The following ANKZF1 variants were observed in gnomAD, a reference collection of about 807,000 sequenced individuals.
ANKZF1 encodes the protein ankyrin repeat and zinc finger peptidyl tRNA hydrolase 1.
Under a neutral mutation model 86.0 loss-of-function variants are expected in ANKZF1, and 84 were observed. That is an observed-to-expected ratio of 0.98 (90% confidence interval 0.82 to 1.17). ANKZF1 has a LOEUF of 1.17. Among genes scored for constraint, ANKZF1 ranks in the 50% most tolerant of loss-of-function variants. The pLI, the probability that ANKZF1 is intolerant of heterozygous loss-of-function variation, is 0.00. For missense variants in ANKZF1, 893 were observed against 918.4 expected (o/e 0.97, Z 0.36); for synonymous variants, 331 against 354.2 (o/e 0.93, Z 0.74).
At chr2:219,234,492 T>C (rs926125813) in intron 9 of ANKZF1, 1 of 728,380 alleles carries the variant, frequency 1.4e-6, no homozygotes, top group African/African-American at 1.8e-5. Flanking sequence ...GCTAAGAAAA[T>C]CTTTGTGTGG....
intron 8 of ANKZF1, 76 bp from the exon 9 acceptor site, chr2:219,234,057 C>G (rs1457531635): frequency 1.3e-6 from 2 of 1,557,532 alleles, no homozygotes. Context: ...TGCAGCCCAG[C>G]TACATCTGCA....
In ANKZF1 at chr2:219,233,271, CTG is replaced by C. The variant is rs747408531; in HGVS notation, c.672-12_672-11del. The C allele has an allele frequency of 4.3e-6, 7 of 1,614,226 alleles. No individual in the cohort carries two copies. The highest frequency in any genetic ancestry group is 1.1e-5 in the South Asian group (1 of 91,084). On this transcript the variant is annotated splice_polypyrimidine_tract_variant and intron_variant, in intron 6 of 13. Coordinates refer to ENST00000323348, the MANE Select transcript of ANKZF1 (RefSeq NM_018089.3). ...CACCAGCTGGTCTCCAGTACTGAGT[CTG>C]TGCTGTCTACAGAAGAGAAGTGGTG... is the stretch of plus-strand genomic sequence containing the variant.
chr2:219,235,583 C>T lies in ANKZF1; in HGVS notation c.1801C>T (p.Gln601Ter), dbSNP rs746856166. 19 of 1,613,794 alleles carry T rather than the reference C, an allele frequency of 1.2e-5. No homozygotes were observed. The highest frequency in any genetic ancestry group is 8.9e-5 in the East Asian group (4 of 44,854). Residue 601 changes from glutamine (Q) to a stop codon, truncating the protein, a stop_gained and splice_region_variant, in exon 11 of 14, where the codon CAG becomes TAG. Transcript: ENST00000323348. LOFTEE classifies it high-confidence loss of function. Reference protein sequence around the residue: ...NPDAYDYNKAQVPGPLTPEME... With the variant: ...NPDAYDYNKA Reference sequence around the variant, plus strand: ...AGATGCCTACGATTACAACAAGGCTCAGGTCATCTGGAATAGGAAGGACAA... The same window carrying T: ...AGATGCCTACGATTACAACAAGGCTTAGGTCATCTGGAATAGGAAGGACAA...
Position 219,233,283 on chromosome 2 carries a change from C to T in ANKZF1, c.672-3C>T, listed in dbSNP as rs1559254530. On this transcript the variant is annotated splice_polypyrimidine_tract_variant and splice_region_variant and intron_variant, in intron 6 of 13. Transcript: ENST00000323348. The stretch of plus-strand genomic sequence containing the variant: ...TCCAGTACTGAGTCTGTGCTGTCTA[C>T]AGAAGAGAAGTGGTGACACACAAAA... 5 of 1,614,114 alleles carry T rather than the reference C, an allele frequency of 3.1e-6. No homozygotes were observed. In the African/African-American group the frequency reaches 4.0e-5, roughly 13 times the overall value.
chr2:219,233,613 C>T (rs1951111859), intron 7 of ANKZF1, 102 bp from the exon 8 acceptor site: 3 of 1,423,234 alleles, frequency 2.1e-6, no homozygotes, highest in Admixed American at 4.4e-5. Context: ...CCGTGTTATC[C>T]TCTACTTTCC....
rs747740100 is a variant in ANKZF1 at position 219,234,829 on chromosome 2, C to G, written c.1208C>G (p.Ser403Ter). 3 of 1,607,382 alleles carry G rather than the reference C, an allele frequency of 1.9e-6. No individual in the cohort carries two copies. Among genetic ancestry groups the G allele is most frequent in the Non-Finnish European group, 2.6e-6 (3 of 1,175,930 alleles). The change falls in exon 10 of 14, where the codon TCA (serine) becomes TGA (stop). Residue 403 changes from serine (S) to a stop codon, truncating the protein, a stop_gained. Transcript: ENST00000323348. LOFTEE classifies it high-confidence loss of function. ...GQNEESPKQGSGSEGEDGFQV... is the reference protein window; with the variant it reads ...GQNEESPKQG ...CACATGTCAGGTTTTTCCCTAGGTT[C>G]AGGGTCGGAGGGAGAAGATGGCTTT...
intron 4 of ANKZF1, 57 bp from the exon 5 acceptor site, chr2:219,232,433 G>C: frequency 6.2e-7 from 1 of 1,611,088 alleles, no homozygotes; most frequent in Non-Finnish European, 8.5e-7. Context: ...TTTAGAGTTT[G>C]AGGAAAGAAC....
Position 219,236,656 on chromosome 2 carries a change from T to G in ANKZF1, c.*211T>G. ...ACAATAAAGTTTGGCAAGGAATGTGTACTTGTACTTACATTCAGAGGCACT... is the reference window on the plus strand; with the variant it reads ...ACAATAAAGTTTGGCAAGGAATGTGGACTTGTACTTACATTCAGAGGCACT... On this transcript the variant is annotated 3_prime_UTR_variant, in exon 14 of 14. Coordinates refer to ENST00000323348, the MANE Select transcript of ANKZF1 (RefSeq NM_018089.3). 1.6e-6 allele frequency: 1 copy of G among 636,806 alleles called. No individual in the cohort carries two copies. The highest frequency in any genetic ancestry group is 2.5e-5 in the South Asian group (1 of 39,744). 39.4% of individuals were successfully genotyped at this position (636,806 alleles called of 1,614,324 possible).
At chr2:219,235,345 GGT>G in intron 10 of ANKZF1, 33 bp downstream of exon 10, 1 of 1,598,266 alleles carries the variant, frequency 6.3e-7, no homozygotes, top group Non-Finnish European at 8.5e-7. Flanking sequence ...AGTCATTTTG[GGT>G]ATAGAGAGGA....
chr2:219,235,358 T>A, intron 10 of ANKZF1, 46 bp downstream of exon 10: 1 of 1,596,364 alleles, frequency 6.3e-7, no homozygotes, highest in East Asian at 2.2e-5. Flanking sequence ...ATAGAGAGGA[T>A]AATTTGGAGG....
At position 219,236,414 on chromosome 2, in the gene ANKZF1, A is replaced by G. The variant is rs566525961; in HGVS notation, c.2150A>G (p.His717Arg). The part of the protein sequence containing the change: ...SFCSTRCLQD[H>R]RRQAGRPSS The stretch of plus-strand genomic sequence containing the variant: ...TGCTCCACACGTTGCCTCCAGGATC[A>G]TCGCCGTCAGGCAGGGAGGCCCTCT... The change falls in exon 14 of 14, where the codon CAT (histidine) becomes CGT (arginine). Residue 717 changes from histidine (H) to arginine (R), a missense_variant. By Grantham distance (29) the His-to-Arg change is conservative. Coordinates refer to ENST00000323348, the MANE Select transcript of ANKZF1 (RefSeq NM_018089.3). 2.5e-6 allele frequency: 4 copies of G among 1,611,708 alleles called. No individual in the cohort carries two copies. The African/African-American group carries it at 4.0e-5, about 16-fold the overall frequency.
rs368406046 is a variant in ANKZF1 at position 219,232,500 on chromosome 2, C to T, written c.375C>T (p.Ser125=). 5.8e-5 allele frequency: 94 copies of T among 1,614,072 alleles called. No homozygotes were observed. The African/African-American group carries it at 1.1e-3, about 19-fold the overall frequency. ...ATTGTCTGTCTTCAGGAGATCTTTC[C>T]AGCATCTCGGGATCAGAAGACTCAG... The part of the protein sequence containing the change: ...FEKQSSTGDL[S]SISGSEDSDS... The change falls in exon 5 of 14, where the codon TCC becomes TCT. Residue 125 remains serine, a synonymous_variant. Transcript: ENST00000323348.
chr2:219,235,855 GC>G lies in ANKZF1; in HGVS notation c.1954del (p.Leu652SerfsTer47). 1 of 1,614,158 alleles carries G rather than the reference GC, an allele frequency of 6.2e-7. No individual in the cohort carries two copies. Among genetic ancestry groups the G allele is most frequent in the East Asian group, 2.2e-5 (1 of 44,886 alleles). ...ACGAGAAGAGCAGCGGCGATTTGCCGCCCTCAGTGACCGAGAGAAGGTGAGG... is the reference window on the plus strand; with the variant it reads ...ACGAGAAGAGCAGCGGCGATTTGCCGCCTCAGTGACCGAGAGAAGGTGAGG... ...REREEQRRFA[A>X]LSDREKRALA... is the part of the protein sequence containing the mutation. On this transcript the variant is annotated frameshift_variant, in exon 12 of 14. Coordinates refer to ENST00000323348, the MANE Select transcript of ANKZF1 (RefSeq NM_018089.3). LOFTEE classifies it high-confidence loss of function.
At position 219,231,997 on chromosome 2, in the gene ANKZF1, TTTG is replaced by T. The variant is rs1559252653; in HGVS notation, c.221_223del (p.Cys74del). 6.2e-7 allele frequency: 1 copy of T among 1,613,284 alleles called. No individual in the cohort carries two copies. The highest frequency in any genetic ancestry group is 8.5e-7 in the Non-Finnish European group (1 of 1,179,794). ...CCTATGGATATTTCAGAGAAGTTAT[TTTG>T]TTCAACTTGTGACCAGACCTTCCAG... On this transcript the variant is annotated inframe_deletion, in exon 3 of 14. Coordinates refer to ENST00000323348, the MANE Select transcript of ANKZF1 (RefSeq NM_018089.3).
rs1355391421 is a variant in ANKZF1, at chr2:219,230,571, G to C, written c.148+166G>C. The C allele has an allele frequency of 4.4e-6, 4 of 905,722 alleles. No homozygotes were observed. The African/African-American group carries it at 5.2e-5, about 12-fold the overall frequency. 56.1% of individuals were successfully genotyped at this position (905,722 alleles called of 1,614,324 possible). On this transcript the variant is annotated intron_variant, in intron 2 of 13. Coordinates refer to ENST00000323348, the MANE Select transcript of ANKZF1 (RefSeq NM_018089.3). ...CTGGGTAATGTCCAGCACAGCCCTT[G>C]TTTTCAAACAAGTCTTTTTGCCATT...
intron 5 of ANKZF1, 103 bp from the exon 6 acceptor site, chr2:219,232,976 G>A (rs577866107): frequency 8.8e-7 from 1 of 1,130,706 alleles, no homozygotes. Flanking sequence ...ACAAGCCTCA[G>A]GGTGGTAATA....
At chr2:219,231,677 A>G (rs1162642204) in intron 2 of ANKZF1, 3 of 389,846 alleles carry the variant, frequency 7.7e-6, no homozygotes, top group Non-Finnish European at 1.4e-5. Flanking sequence ...TACAAGCGTG[A>G]GCCGCTGCAC....
Position 219,232,240 on chromosome 2 carries a change from A to C in ANKZF1, c.262-20A>C, listed in dbSNP as rs779557773. On this transcript the variant is annotated intron_variant, in intron 3 of 13. Transcript: ENST00000323348. ...TGGGGCATATTTCCACCTTTATCTC[A>C]CTCTTTGTCTTTGTACTAGAGGGAA... 6.2e-7 allele frequency: 1 copy of C among 1,609,388 alleles called. No homozygotes were observed. Among genetic ancestry groups the C allele is most frequent in the South Asian group, 1.1e-5 (1 of 90,984 alleles).
rs762023095 is a variant in ANKZF1, at chr2:219,233,408, G to A, written c.794G>A (p.Arg265His). The change falls in exon 7 of 14, where the codon CGC (arginine) becomes CAC (histidine). Residue 265 changes from arginine to histidine, a missense_variant. Arg to His is a conservative substitution (Grantham distance 29). Coordinates refer to ENST00000323348, the MANE Select transcript of ANKZF1 (RefSeq NM_018089.3). ...PSHSAGANLR[R>H]YNEATLYKDV... Reference sequence around the variant, plus strand: ...CACTCTGCTGGAGCCAACCTGAGGCGCTACAATGAAGCCACACTATATAAG... The same window carrying A: ...CACTCTGCTGGAGCCAACCTGAGGCACTACAATGAAGCCACACTATATAAG... The A allele has an allele frequency of 2.2e-5, 35 of 1,613,546 alleles. 1 individual carries two copies. The highest frequency in any genetic ancestry group is 1.8e-4 in the South Asian group (16 of 91,066).
Sources: allele counts gnomAD v4.1 joint callset, GRCh38; gene constraint gnomAD v4.1.1; transcripts MANE v1.5; gene names NCBI Gene and HGNC (gene_info 2026-07-23, HGNC 2026-07-21).